SCRN1: variants seen among roughly 807,000 people sequenced by gnomAD.
The protein encoded by SCRN1 is secernin-1.
In SCRN1, 19 loss-of-function variants were observed where a neutral mutation model predicts 43.3. The ratio of observed to expected loss-of-function variants is 0.44; its 90% CI spans 0.31 to 0.64. The LOEUF is 0.64. Among genes scored for constraint, SCRN1 ranks in the 30% least tolerant of loss-of-function variants. SCRN1 has a pLI of 0.09. For missense variants in SCRN1, 447 were observed against 524.1 expected, an observed-to-expected ratio of 0.85 and a Z score of 1.44; for synonymous variants, 183 against 188.9, an observed-to-expected ratio of 0.97 and a Z score of 0.26.
intron 2 of SCRN1, among the ~76,000 whole-genome samples, chr7:29,966,446 G>A (rs1788500768): frequency 6.6e-6 from 1 of 152,112 alleles, no homozygotes; most frequent in African/African-American, 2.4e-5. Flanking sequence ...GATTATTTTA[G>A]TTTGTATGTC....
Position 29,925,301 on chromosome 7 carries a change from A to G in SCRN1, c.1086+1151T>C, listed in dbSNP as rs147325880. On this transcript the variant is annotated intron_variant, in intron 7 of 7. Transcript: ENST00000242059. Reference sequence around the variant, plus strand: ...AGAAAAGTGAGACAGCCCTTCTCAGAGATGCTTTCTGAATTCATCTGGATT... The same window carrying G: ...AGAAAAGTGAGACAGCCCTTCTCAGGGATGCTTTCTGAATTCATCTGGATT... Among the ~76,000 whole-genome samples the G allele has an allele frequency of 3.1e-3, 468 of 152,332 alleles. 1 individual carries two copies. The highest frequency in any genetic ancestry group is 0.011 in the African/African-American group (453 of 41,568).
chr7:29,924,250 C>T, intron 7 of SCRN1, 135 bp from the exon 8 acceptor site: 1 of 792,206 alleles, frequency 1.3e-6, no homozygotes, highest in East Asian at 2.7e-5. Flanking sequence ...TCACACACGA[C>T]TGCCGCAGGG....
In SCRN1 at chr7:29,922,058, G is replaced by T. The variant is rs1037570428; in HGVS notation, c.*1899C>A. On this transcript the variant is annotated 3_prime_UTR_variant, in exon 8 of 8. Coordinates refer to ENST00000242059, the MANE Select transcript of SCRN1 (RefSeq NM_014766.5). ...CTCACTTTCCCCCCCCCTTAACAGT[G>T]ATAGAAAGACACTTTTAGAATAGCC... 1 of 151,972 alleles carries T rather than the reference G, an allele frequency of 6.6e-6. No individual in the cohort carries two copies. The highest frequency in any genetic ancestry group is 2.4e-5 in the African/African-American group (1 of 41,362). The allele number at this position is 151,972 out of a possible 1,614,324, so 9.4% of individuals were successfully genotyped here.
intron 5 of SCRN1, among the ~76,000 whole-genome samples, chr7:29,940,197 A>G (rs891734207): frequency 2.0e-5 from 3 of 152,096 alleles, no homozygotes; most frequent in African/African-American, 7.2e-5. Flanking sequence ...TAAATAAATA[A>G]ATAAAATAAG....
chr7:29,968,324 T>C (rs531314893), intron 2 of SCRN1, among the ~76,000 whole-genome samples: 1 of 152,014 alleles, frequency 6.6e-6, no homozygotes, highest in Non-Finnish European at 1.5e-5. Context: ...GCATGTACCG[T>C]AGGGAGTGAT....
At chr7:29,971,059 T>G (rs1407265529) in intron 1 of SCRN1, among the ~76,000 whole-genome samples, 1 of 152,342 alleles carries the variant, frequency 6.6e-6, no homozygotes, top group African/African-American at 2.4e-5. Context: ...AACTATTGTA[T>G]TTGTGTCATC....
At chr7:29,934,829 G>T (rs1321524907) in intron 6 of SCRN1, among the ~76,000 whole-genome samples, 5 of 152,184 alleles carry the variant, frequency 3.3e-5, no homozygotes, top group African/African-American at 4.8e-5. Context: ...GGAGGGTGGT[G>T]GGCTTGTTTC....
intron 2 of SCRN1, among the ~76,000 whole-genome samples, chr7:29,957,587 C>T (rs1025579631): frequency 7.2e-5 from 11 of 152,196 alleles, no homozygotes; most frequent in Non-Finnish European, 1.3e-4. Context: ...TGCCCCAAGT[C>T]TGGTATATAT....
chr7:29,922,722 A>G lies in SCRN1; in HGVS notation c.*1235T>C, dbSNP rs978935757. 3.9e-5 allele frequency: 6 copies of G among 152,308 alleles called. No homozygotes were observed. Among genetic ancestry groups the G allele is most frequent in the African/African-American group, 1.4e-4 (6 of 41,438 alleles). 9.4% of individuals were successfully genotyped at this position (152,308 alleles called of 1,614,324 possible). Reference sequence around the variant, plus strand: ...GATCCAGGGAAGTCAGCTGCTTTGTATTTGGGTTTGTGGGATGTAATGGCC... The same window carrying G: ...GATCCAGGGAAGTCAGCTGCTTTGTGTTTGGGTTTGTGGGATGTAATGGCC... On this transcript the variant is annotated 3_prime_UTR_variant, in exon 8 of 8. Transcript: ENST00000242059.
intron 7 of SCRN1, among the ~76,000 whole-genome samples, chr7:29,925,121 A>G (rs1786897825): frequency 6.6e-6 from 1 of 152,168 alleles, no homozygotes; most frequent in African/African-American, 2.4e-5. Flanking sequence ...TAATGTGGAC[A>G]GCCCTGGAGA....
chr7:29,982,785 C>T (rs910647075), intron 1 of SCRN1, among the ~76,000 whole-genome samples: 3 of 151,436 alleles, frequency 2.0e-5, no homozygotes, highest in Non-Finnish European at 4.4e-5. Context: ...CTCCAAAATG[C>T]TCTTAAACAC....
Position 29,989,795 on chromosome 7 carries a change from C to G in SCRN1, c.-155G>C, listed in dbSNP as rs907076011. On this transcript the variant is annotated 5_prime_UTR_variant, in exon 1 of 8. Coordinates refer to ENST00000242059, the MANE Select transcript of SCRN1 (RefSeq NM_014766.5). Reference sequence around the variant, plus strand: ...CGGCCGCCGGGCGCTTCCCCCTACCCAGACTCCCGGCGCTGGGGCCCGCCG... The same window carrying G: ...CGGCCGCCGGGCGCTTCCCCCTACCGAGACTCCCGGCGCTGGGGCCCGCCG... 6.1e-6 allele frequency: 6 copies of G among 988,934 alleles called. No individual in the cohort carries two copies. In the African/African-American group the frequency reaches 1.0e-4, roughly 17 times the overall value. 61.3% of individuals were successfully genotyped at this position (988,934 alleles called of 1,614,324 possible). A position where few individuals can be genotyped will look rare whatever the true frequency, so the allele number is the denominator to read the frequency against.
At chr7:29,977,129 GA>G in intron 1 of SCRN1, among the ~76,000 whole-genome samples, 1 of 152,306 alleles carries the variant, frequency 6.6e-6, no homozygotes, top group Non-Finnish European at 1.5e-5. Context: ...CTAAGAGAAA[GA>G]AAATAACTGT....
intron 1 of SCRN1, among the ~76,000 whole-genome samples, chr7:29,987,846 C>T (rs184149073): frequency 1.6e-3 from 239 of 152,244 alleles, no homozygotes; most frequent in Middle Eastern, 3.4e-3. Flanking sequence ...GGCGTCCATT[C>T]GCCCCGCTGG....
In SCRN1 at chr7:29,968,923, C is replaced by T. The variant is rs1232278163; in HGVS notation, c.145G>A (p.Glu49Lys). The T allele has an allele frequency of 6.2e-7, 1 of 1,614,130 alleles. No homozygotes were observed. The highest frequency in any genetic ancestry group is 1.7e-5 in the Admixed American group (1 of 60,016). The change falls in exon 2 of 8, where the codon GAG (glutamate) becomes AAG (lysine). Residue 49 changes from glutamate (E) to lysine (K), a missense_variant. Coordinates refer to ENST00000242059, the MANE Select transcript of SCRN1 (RefSeq NM_014766.5). ...GCACGGCTTACCTCAACCTTGCTCT[C>T]CGGTTCGTGATCAGCAGCCGAGAAA... ...VYFSAADHEPESKVECTYISI... is the reference protein window; with the variant it reads ...VYFSAADHEPKSKVECTYISI...
chr7:29,942,818 C>T (rs745479200), intron 4 of SCRN1, among the ~76,000 whole-genome samples: 17 of 152,116 alleles, frequency 1.1e-4, no homozygotes, highest in Non-Finnish European at 2.2e-4. Flanking sequence ...ACAGACACAG[C>T]CTTCATACAG....
At chr7:29,947,199 TG>T (rs1051451694) in intron 3 of SCRN1, 15 of 1,550,328 alleles carry the variant, frequency 9.7e-6, no homozygotes, top group Non-Finnish European at 1.3e-5. Context: ...GCTCTGGGCC[TG>T]GGAATTAGAT....
chr7:29,970,118 A>T (rs1182276221), intron 1 of SCRN1, among the ~76,000 whole-genome samples: 1 of 152,208 alleles, frequency 6.6e-6, no homozygotes, highest in Non-Finnish European at 1.5e-5. Flanking sequence ...CATTCTCTGC[A>T]TTGCAGCCAA....
At chr7:29,972,099 G>A (rs1296754803) in intron 1 of SCRN1, among the ~76,000 whole-genome samples, 1 of 152,224 alleles carries the variant, frequency 6.6e-6, no homozygotes, top group East Asian at 1.9e-4. Flanking sequence ...AACAAAGAAT[G>A]TGTATGCACA....
Sources: allele counts gnomAD v4.1 joint callset (sites outside exome capture counted in the v4.1 genomes callset), GRCh38; gene constraint gnomAD v4.1.1; transcripts MANE v1.5; gene names NCBI Gene and HGNC (gene_info 2026-07-23, HGNC 2026-07-21).